DNAI4: variants seen among roughly 807,000 people sequenced by gnomAD.
DNAI4 encodes WD repeat domain 78.
Under a neutral mutation model 105.8 loss-of-function variants are expected in DNAI4, and 85 were observed. The observed-to-expected ratio is 0.80, with a 90% CI of 0.67 to 0.96. The LOEUF (loss-of-function observed/expected upper bound fraction) is 0.96. DNAI4 is among the 40% of genes least tolerant of loss of function. DNAI4 has a pLI of 0.00. For missense variants in DNAI4, 1,014 were observed against 1,005.6 expected, an observed-to-expected ratio of 1.01 and a Z score of -0.11; for synonymous variants, 352 against 331.5, an observed-to-expected ratio of 1.06 and a Z score of -0.67.
rs1009290854 is a variant in DNAI4 at position 66,838,528 on chromosome 1, A to C, written c.1495-732T>G. On this transcript the variant is annotated intron_variant, in intron 9 of 16. Coordinates refer to ENST00000371026, the MANE Select transcript of DNAI4 (RefSeq NM_024763.5). ...TATAATATATTGTTACGGCAGCATG[A>C]GCTACCTAATACAGGAGGTCATTTC... Among the ~76,000 whole-genome samples the C allele has an allele frequency of 1.1e-4, 16 of 152,368 alleles. 1 individual carries two copies. The East Asian group carries it at 1.7e-3, about 17-fold the overall frequency.
chr1:66,847,736 C>T (rs1221347585), intron 7 of DNAI4, 58 bp from the exon 8 acceptor site: 3 of 1,289,290 alleles, frequency 2.3e-6, no homozygotes, highest in Non-Finnish European at 2.1e-6. Flanking sequence ...TTCATACATT[C>T]TAAAGATTTT....
At chr1:66,847,737 T>G in intron 7 of DNAI4, 59 bp from the exon 8 acceptor site, 1 of 1,270,842 alleles carries the variant, frequency 7.9e-7, no homozygotes, top group Non-Finnish European at 1.1e-6. Context: ...TCATACATTC[T>G]AAAGATTTTA....
intron 7 of DNAI4, among the ~76,000 whole-genome samples, chr1:66,849,664 G>A (rs916912524): frequency 4.6e-5 from 7 of 151,912 alleles, no homozygotes; most frequent in Non-Finnish European, 1.0e-4. Flanking sequence ...TGAAACAAAT[G>A]AAAAAATAGA....
chr1:66,873,277 G>A (rs1477904514), intron 5 of DNAI4, among the ~76,000 whole-genome samples: 1 of 145,068 alleles, frequency 6.9e-6, no homozygotes, highest in Non-Finnish European at 1.5e-5. Flanking sequence ...GGTCTCTCTC[G>A]GTTGACCAGG....
At chr1:66,818,271 A>G (rs1162111388) in intron 16 of DNAI4, among the ~76,000 whole-genome samples, 1 of 152,022 alleles carries the variant, frequency 6.6e-6, no homozygotes, top group Non-Finnish European at 1.5e-5. Context: ...AAAATATAGT[A>G]TTCATCACAT....
At position 66,893,291 on chromosome 1, in the gene DNAI4, A is replaced by C. The variant is rs149552208; in HGVS notation, c.468T>G (p.Phe156Leu). The C allele has an allele frequency of 1.9e-6, 3 of 1,610,512 alleles. No homozygotes were observed. The African/African-American group carries it at 4.0e-5, about 22-fold the overall frequency. ...TSQEGSLGSE[F>L]ISSYSLYQNT... ...TCTGATAAAGGCTATAGGAAGATAT[A>C]AATTCTGATCCAAGTGATCCTTCTT... Residue 156 changes from phenylalanine to leucine, a missense_variant, in exon 3 of 17, where the codon TTT becomes TTG. Coordinates refer to ENST00000371026, the MANE Select transcript of DNAI4 (RefSeq NM_024763.5).
chr1:66,892,950 G>GAAGAAAGAAAGAAAGA (rs71058479), intron 3 of DNAI4, among the ~76,000 whole-genome samples: 2,067 of 91,934 alleles, frequency 0.022, 55 homozygotes, highest in East Asian at 0.052. Flanking sequence ...AGAAGAAAGA[G>GAAGAAAGAAAGAAAGA]AAGAAAGAAA....
At position 66,893,329 on chromosome 1, in the gene DNAI4, G is replaced by A. The variant is rs766949763; in HGVS notation, c.430C>T (p.Leu144Phe). 2 of 1,610,366 alleles carry A rather than the reference G, an allele frequency of 1.2e-6. No individual in the cohort carries two copies. The highest frequency in any genetic ancestry group is 2.2e-5 in the East Asian group (1 of 44,548). ...AGTGATCCTTCTTGTGATGTCAAGA[G>A]TTTACTTGGTTTTGCTGTACCAGTA... ...PLTGTAKPSK[L>F]LTSQEGSLGS... Residue 144 changes from leucine to phenylalanine, a missense_variant, in exon 3 of 17, where the codon CTC becomes TTC. Coordinates refer to ENST00000371026, the MANE Select transcript of DNAI4 (RefSeq NM_024763.5).
chr1:66,821,927 T>A (rs1487415300), intron 16 of DNAI4, among the ~76,000 whole-genome samples: 1 of 152,142 alleles, frequency 6.6e-6, no homozygotes, highest in Non-Finnish European at 1.5e-5. Context: ...GAACGTGGAA[T>A]AAGAGAATAT....
intron 7 of DNAI4, among the ~76,000 whole-genome samples, chr1:66,848,815 G>A (rs1186319635): frequency 6.6e-6 from 1 of 152,126 alleles, no homozygotes; most frequent in East Asian, 1.9e-4. Context: ...GAAAAGCATA[G>A]CCTTGAAAGA....
chr1:66,879,706 T>A (rs1647028136), intron 4 of DNAI4, among the ~76,000 whole-genome samples: 1 of 152,164 alleles, frequency 6.6e-6, no homozygotes, highest in Admixed American at 6.6e-5. Context: ...TATTATCAGG[T>A]TTTTTTAGCC....
Position 66,823,091 on chromosome 1 carries a change from A to C in DNAI4, c.2340-574T>G, listed in dbSNP as rs150939844. Among the ~76,000 whole-genome samples the C allele has an allele frequency of 7.8e-3, 1,123 of 144,626 alleles. 13 individuals carry two copies. Among genetic ancestry groups the C allele is most frequent in the African/African-American group, 0.027 (1,077 of 39,354 alleles). The allele number at this position is 144,626 out of a possible 152,430, so 94.9% of individuals were successfully genotyped here. ...ACCCCACAACAGTCCCCAGAGTGTG[A>C]TGTTCCCCTTCCCGTGTCCATGTGT... On this transcript the variant is annotated intron_variant, in intron 15 of 16. Coordinates refer to ENST00000371026, the MANE Select transcript of DNAI4 (RefSeq NM_024763.5).
rs192235346 is a variant in DNAI4 at position 66,879,579 on chromosome 1, G to A, written c.644-4642C>T. Among the ~76,000 whole-genome samples the A allele has an allele frequency of 5.9e-5, 9 of 152,296 alleles. No homozygotes were observed. The East Asian group carries it at 1.2e-3, about 20-fold the overall frequency. ...ACAACTGCTTGATGATATGGTAAGA[G>A]TATGTTTAGTTTTATGCGAAATTGT... On this transcript the variant is annotated intron_variant, in intron 4 of 16. Coordinates refer to ENST00000371026, the MANE Select transcript of DNAI4 (RefSeq NM_024763.5).
Position 66,827,816 on chromosome 1 carries a change from T to A in DNAI4, c.2108A>T (p.His703Leu). 6.4e-7 allele frequency: 1 copy of A among 1,555,878 alleles called. No individual in the cohort carries two copies. The highest frequency in any genetic ancestry group is 8.7e-7 in the Non-Finnish European group (1 of 1,144,370). ...ACCTACTATAATTAAACTAACCTTATGTCCTCTGTAGGTATCTAAGTATTG... is the reference window on the plus strand; with the variant it reads ...ACCTACTATAATTAAACTAACCTTAAGTCCTCTGTAGGTATCTAAGTATTG... ...NEQYLDTYRG[H>L]KGPVYKVTWN... is the part of the protein sequence containing the mutation. The change falls in exon 14 of 17, where the codon CAT (histidine) becomes CTT (leucine). Residue 703 changes from histidine to leucine, a missense_variant. Coordinates refer to ENST00000371026, the MANE Select transcript of DNAI4 (RefSeq NM_024763.5).
chr1:66,835,732 C>G lies in DNAI4; in HGVS notation c.1627G>C (p.Asp543His). 1 of 1,614,102 alleles carries G rather than the reference C, an allele frequency of 6.2e-7. No individual in the cohort carries two copies. The highest frequency in any genetic ancestry group is 8.5e-7 in the Non-Finnish European group (1 of 1,179,988). ...AGGTTAGGTGCTCCAATTGAAAAAT[C>G]CACAGCAGTAACTCCATATGGACTC... ...YQSPYGVTAV[D>H]FSIGAPNLLA... The change falls in exon 11 of 17, where the codon GAT becomes CAT. Residue 543 changes from aspartate (D) to histidine (H), a missense_variant. By Grantham distance (81) the Asp-to-His change is moderately conservative (BLOSUM62 -1). Coordinates refer to ENST00000371026, the MANE Select transcript of DNAI4 (RefSeq NM_024763.5).
intron 5 of DNAI4, among the ~76,000 whole-genome samples, chr1:66,872,290 G>A (rs925006790): frequency 2.6e-5 from 4 of 151,678 alleles, no homozygotes; most frequent in Non-Finnish European, 5.9e-5. Context: ...GTGCAGTGGC[G>A]TGACCTCAGC....
At chr1:66,903,142 CCTAACA>C (rs1279927958) in intron 2 of DNAI4, among the ~76,000 whole-genome samples, 1 of 152,256 alleles carries the variant, frequency 6.6e-6, no homozygotes. Flanking sequence ...GTATTGACAA[CCTAACA>C]CTATTACGCC....
intron 8 of DNAI4, among the ~76,000 whole-genome samples, chr1:66,843,475 T>A (rs1488666088): frequency 6.6e-6 from 1 of 152,214 alleles, no homozygotes; most frequent in African/African-American, 2.4e-5. Flanking sequence ...ATCTTCAGTA[T>A]GTGACTTGTC....
chr1:66,887,489 A>T (rs2100742521), intron 4 of DNAI4, among the ~76,000 whole-genome samples: 1 of 152,328 alleles, frequency 6.6e-6, no homozygotes. Flanking sequence ...GGGAAGTTAT[A>T]AACATATTTT....
Sources: allele counts gnomAD v4.1 joint callset (sites outside exome capture counted in the v4.1 genomes callset), GRCh38; gene constraint gnomAD v4.1.1; transcripts MANE v1.5; gene names NCBI Gene and HGNC (gene_info 2026-07-23, HGNC 2026-07-21).